Variants in GAD2 observed in about 807,000 individuals in gnomAD.
GAD2 encodes the protein glutamate decarboxylase 2, also known as 65 kDa glutamic acid decarboxylase.
A neutral mutation model predicts 80.1 loss-of-function variants in GAD2; 22 were observed. That is an observed-to-expected ratio of 0.27 (90% CI 0.20 to 0.39). The LOEUF is 0.39. Ranked by LOEUF, GAD2 falls within the 10% of genes least tolerant of loss-of-function variation. GAD2 has a pLI of 1.00. For synonymous variants in GAD2, 274 were observed against 256.9 expected (o/e 1.07, Z -0.64); for missense variants, 624 against 738.4 (o/e 0.85, Z 1.80).
intron 8 of GAD2, among the ~76,000 whole-genome samples, chr10:26,246,230 A>G (rs1246273997): frequency 6.6e-6 from 1 of 152,186 alleles, no homozygotes; most frequent in Non-Finnish European, 1.5e-5. Context: ...ACCTTTGTTA[A>G]ATCCATCAAA....
chr10:26,284,727 G>A (rs552759466), intron 12 of GAD2, among the ~76,000 whole-genome samples: 5 of 151,758 alleles, frequency 3.3e-5, no homozygotes, highest in African/African-American at 7.2e-5. Context: ...ACCCACCACC[G>A]CCCAGCTAAT....
chr10:26,219,150 G>T lies in GAD2; in HGVS notation c.394G>T (p.Val132Leu), dbSNP rs748959145. ...GAAAAGTTTCGATAGATCAACCAAA[G>T]TGATTGATTTCCATTATCCTAATGA... ...VVKSFDRSTK[V>L]IDFHYPNELL... The change falls in exon 4 of 16, where the codon GTG becomes TTG. Residue 132 changes from valine to leucine, a missense_variant. Val to Leu is a conservative substitution (Grantham distance 32). Transcript: ENST00000376261. 2 of 1,613,584 alleles carry T rather than the reference G, an allele frequency of 1.2e-6. No individual in the cohort carries two copies. The highest frequency in any genetic ancestry group is 3.3e-5 in the Admixed American group (2 of 59,964).
chr10:26,286,389 T>A lies in GAD2; in HGVS notation c.1281T>A (p.Phe427Leu). 7 of 1,613,962 alleles carry A rather than the reference T, an allele frequency of 4.3e-6. No individual in the cohort carries two copies. Among genetic ancestry groups the A allele is most frequent in the Non-Finnish European group, 5.9e-6 (7 of 1,179,910 alleles). The change falls in exon 13 of 16, where the codon TTT (phenylalanine) becomes TTA (leucine). Residue 427 changes from phenylalanine to leucine, a missense_variant. Physicochemically the swap from Phe to Leu is conservative, Grantham distance 22 (BLOSUM62 0). Coordinates refer to ENST00000376261, the MANE Select transcript of GAD2 (RefSeq NM_001134366.2). ...NCNQMHASYL[F>L]QQDKHYDLSY... ...ACCAAATGCATGCCTCCTACCTCTT[T>A]CAGCAAGATAAACATTATGACCTGT... is the stretch of plus-strand genomic sequence containing the variant.
rs1845029458 is a variant in GAD2, at chr10:26,263,243, A to G, written c.921-5876A>G. Among the ~76,000 whole-genome samples, 9 of 152,246 alleles carry G rather than the reference A, an allele frequency of 5.9e-5. 1 individual carries two copies. In the South Asian group the frequency reaches 1.9e-3, roughly 32 times the overall value. On this transcript the variant is annotated intron_variant, in intron 8 of 15. Transcript: ENST00000376261. ...TTGTGCACATTGGAAAACAAATCCTAAAAGAGAAAAATATCATTAATCATT... is the reference window on the plus strand; with the variant it reads ...TTGTGCACATTGGAAAACAAATCCTGAAAGAGAAAAATATCATTAATCATT...
Position 26,217,731 on chromosome 10 carries a change from C to T in GAD2, c.136+62C>T. The T allele has an allele frequency of 6.3e-7, 1 of 1,595,014 alleles. No individual in the cohort carries two copies. The highest frequency in any genetic ancestry group is 8.5e-7 in the Non-Finnish European group (1 of 1,169,748). On this transcript the variant is annotated intron_variant, in intron 2 of 15. Coordinates refer to ENST00000376261, the MANE Select transcript of GAD2 (RefSeq NM_001134366.2). The surrounding 1 kb of genome is among the most constrained non-coding windows in gnomAD (Gnocchi z 4.9). Reference sequence around the variant, plus strand: ...CGCGGGGTCCAAGCAGTCTTCTCACCTCCGCATCCCAGTCAGCGGAGTCGG... The same window carrying T: ...CGCGGGGTCCAAGCAGTCTTCTCACTTCCGCATCCCAGTCAGCGGAGTCGG...
intron 7 of GAD2, among the ~76,000 whole-genome samples, chr10:26,243,672 G>A (rs1347487210): frequency 1.3e-5 from 2 of 152,242 alleles, no homozygotes; most frequent in African/African-American, 2.4e-5. Context: ...ACGCAGACAA[G>A]TCATTCTGCC....
intron 8 of GAD2, among the ~76,000 whole-genome samples, chr10:26,256,162 T>G (rs918698723): frequency 3.3e-5 from 5 of 152,302 alleles, no homozygotes; most frequent in African/African-American, 9.6e-5. Flanking sequence ...TTGCTTTCTC[T>G]CAATATATGC....
At chr10:26,285,505 A>G (rs560582506) in intron 12 of GAD2, among the ~76,000 whole-genome samples, 2 of 152,374 alleles carry the variant, frequency 1.3e-5, no homozygotes, top group African/African-American at 4.8e-5. Flanking sequence ...TTTTTAGTGA[A>G]GAGACTGTCG....
intron 8 of GAD2, among the ~76,000 whole-genome samples, chr10:26,249,115 T>G (rs1589143629): frequency 1.3e-5 from 2 of 152,072 alleles, no homozygotes; most frequent in South Asian, 2.1e-4. Flanking sequence ...CAGGCTGGAG[T>G]GCAGTGGTGC....
intron 13 of GAD2, 106 bp downstream of exon 13, chr10:26,286,600 C>A: frequency 8.5e-7 from 1 of 1,181,512 alleles, no homozygotes. Flanking sequence ...AATTTCCTTA[C>A]CCAAGATTTG....
intron 6 of GAD2, among the ~76,000 whole-genome samples, chr10:26,229,275 A>C (rs144205290): frequency 6.7e-6 from 1 of 150,262 alleles, no homozygotes; most frequent in African/African-American, 2.5e-5. Context: ...GCACTGAATG[A>C]GTTGAAATGA....
chr10:26,288,491 C>G (rs1834173985), intron 13 of GAD2, among the ~76,000 whole-genome samples: 1 of 152,156 alleles, frequency 6.6e-6, no homozygotes, highest in African/African-American at 2.4e-5. Context: ...GAGACTCATT[C>G]TGCTAGCAAT....
chr10:26,285,768 GT>G (rs11351928), intron 12 of GAD2, among the ~76,000 whole-genome samples: 54,744 of 145,000 alleles, frequency 0.38, 12,255 homozygotes, highest in African/African-American at 0.66. Flanking sequence ...CAATATGTGG[GT>G]TTTTTTTTTT....
Position 26,223,994 on chromosome 10 carries a change from GT to G in GAD2, c.611+22del. The stretch of plus-strand genomic sequence containing the variant: ...TACTAACATGTAAGTAGCCAAATGT[GT>G]TTTTATGTAATTTAGGATAATTATT... On this transcript the variant is annotated intron_variant, in intron 5 of 15. Transcript: ENST00000376261. 6.5e-7 allele frequency: 1 copy of G among 1,545,812 alleles called. No homozygotes were observed. The highest frequency in any genetic ancestry group is 8.9e-7 in the Non-Finnish European group (1 of 1,119,246).
At chr10:26,292,408 A>G in intron 13 of GAD2, 57 bp from the exon 14 acceptor site, 4 of 1,282,052 alleles carry the variant, frequency 3.1e-6, no homozygotes, top group Non-Finnish European at 3.4e-6. Flanking sequence ...TCTCCAGGGA[A>G]ATCGCTTCCT....
intron 8 of GAD2, among the ~76,000 whole-genome samples, chr10:26,255,681 G>A (rs1344576936): frequency 1.3e-5 from 2 of 149,838 alleles, no homozygotes; most frequent in African/African-American, 4.9e-5. Flanking sequence ...AAGGAAGGAA[G>A]CAAGGAAAGA....
At chr10:26,227,862 C>A (rs1028258699) in intron 6 of GAD2, among the ~76,000 whole-genome samples, 7 of 152,232 alleles carry the variant, frequency 4.6e-5, no homozygotes, top group Non-Finnish European at 8.8e-5. Flanking sequence ...TGGATTCTAC[C>A]TGATTCTACC....
In GAD2 at chr10:26,230,425, T is replaced by TTTTGTTTG. The variant is rs113492564; in HGVS notation, c.840+665_840+672dup. 3.1e-3 allele frequency among the ~76,000 whole-genome samples: 468 copies of TTTTGTTTG among 151,810 alleles called. 1 individual carries two copies. The highest frequency in any genetic ancestry group is 0.01 in the African/African-American group (428 of 41,422). On this transcript the variant is annotated intron_variant, in intron 7 of 15. Transcript: ENST00000376261. Reference sequence around the variant, plus strand: ...TCTGCCCTCATGGTGCCTTGAGCCTTTTTGTTTGTTTGTTTGTTTGTTTGA... The same window carrying TTTTGTTTG: ...TCTGCCCTCATGGTGCCTTGAGCCTTTTTGTTTGTTTGTTTGTTTGTTTGTTTGTTTGA...
intron 12 of GAD2, 113 bp downstream of exon 12, chr10:26,281,200 C>G: frequency 1.4e-6 from 1 of 697,638 alleles, no homozygotes; most frequent in South Asian, 1.8e-5. Context: ...TGGTCCTACT[C>G]ACATTCCCCA....
Sources: allele counts gnomAD v4.1 joint callset (sites outside exome capture counted in the v4.1 genomes callset), GRCh38; gene constraint gnomAD v4.1.1; non-coding constraint Gnocchi (gnomAD v3.1); transcripts MANE v1.5; gene names NCBI Gene and HGNC (gene_info 2026-07-23, HGNC 2026-07-21).